Variants in RBM26 observed in about 807,000 individuals in gnomAD.
RBM26 encodes RNA binding motif protein 26.
RBM26 carries 30 observed loss-of-function variants against 123.6 expected under a neutral mutation model. The ratio of observed to expected loss-of-function variants is 0.24; its 90% CI spans 0.18 to 0.33. RBM26 has a LOEUF of 0.33. RBM26 is among the 10% of genes least tolerant of loss of function. RBM26 has a pLI of 1.00. For missense variants in RBM26, 947 were observed against 1,203.6 expected (o/e 0.79, Z 3.15); for synonymous variants, 400 against 404.4 (o/e 0.99, Z 0.13).
chr13:79,379,371 CAAAAA>C (rs1160901778), intron 1 of RBM26, among the ~76,000 whole-genome samples: 6 of 79,442 alleles, frequency 7.6e-5, no homozygotes, highest in Admixed American at 1.7e-4. Context: ...CAGTCTCTAC[CAAAAA>C]AAAAAAAAAA....
chr13:79,342,196 A>G (rs1282490050), intron 17 of RBM26, among the ~76,000 whole-genome samples: 1 of 151,834 alleles, frequency 6.6e-6, no homozygotes, highest in East Asian at 1.9e-4. Context: ...CAGACACACC[A>G]AGTATAAACA....
intron 1 of RBM26, among the ~76,000 whole-genome samples, chr13:79,379,811 T>C (rs1023793800): frequency 5.3e-5 from 8 of 151,288 alleles, no homozygotes; most frequent in African/African-American, 1.9e-4. Flanking sequence ...GAGACTAACA[T>C]TATAAGAGAA....
At position 79,358,162 on chromosome 13, in the gene RBM26, C is replaced by T. The variant is rs151068592; in HGVS notation, c.1689+112G>A. 4.5e-4 allele frequency: 420 copies of T among 938,210 alleles called. 3 individuals carry two copies. In the East Asian group the frequency reaches 0.013, roughly 28 times the overall value. The allele number at this position is 938,210 out of a possible 1,614,324, so 58.1% of individuals were successfully genotyped here. On this transcript the variant is annotated intron_variant, in intron 11 of 21. Coordinates refer to ENST00000438737, the MANE Select transcript of RBM26 (RefSeq NM_001366735.2). ...CCTCCCAAAGTGCTGGGATTACAGGCGTGAACCACCATGCCCAGCCTTAAA... is the reference window on the plus strand; with the variant it reads ...CCTCCCAAAGTGCTGGGATTACAGGTGTGAACCACCATGCCCAGCCTTAAA...
At chr13:79,358,230 C>A (rs200119717) in intron 11 of RBM26, 44 bp downstream of exon 11, 110 of 1,494,270 alleles carry the variant, frequency 7.4e-5, no homozygotes, top group Non-Finnish European at 9.9e-5. Flanking sequence ...ATTAAGTTCC[C>A]TAAACAGAAA....
chr13:79,341,474 C>T (rs7996652), intron 17 of RBM26, among the ~76,000 whole-genome samples: 76,492 of 151,466 alleles, frequency 0.51, 19,706 homozygotes, highest in Middle Eastern at 0.6. Flanking sequence ...GAGATTTACA[C>T]AGACTGATAT....
At chr13:79,366,983 C>T (rs2075323342) in intron 6 of RBM26, 111 bp from the exon 7 acceptor site, 5 of 899,886 alleles carry the variant, frequency 5.6e-6, no homozygotes, top group Non-Finnish European at 8.0e-6. Context: ...TAATATTGGA[C>T]AAAAGTATAA....
chr13:79,379,049 A>T, intron 1 of RBM26, 142 bp from the exon 2 acceptor site: 1 of 610,830 alleles, frequency 1.6e-6, no homozygotes. Context: ...ACCTTGAAGA[A>T]ATTTAAGTTC....
chr13:79,360,809 T>C (rs899103274), intron 9 of RBM26, among the ~76,000 whole-genome samples: 1 of 152,182 alleles, frequency 6.6e-6, no homozygotes. Context: ...GTAATGAGCA[T>C]AGTACATTTA....
At chr13:79,365,910 G>C in intron 8 of RBM26, 145 bp downstream of exon 8, 2 of 954,344 alleles carry the variant, frequency 2.1e-6, no homozygotes, top group Non-Finnish European at 3.1e-6. Context: ...ATTCAAAACT[G>C]AGGGCTTATT....
At chr13:79,391,550 T>C (rs2077990880) in intron 1 of RBM26, among the ~76,000 whole-genome samples, 1 of 152,030 alleles carries the variant, frequency 6.6e-6, no homozygotes, top group Admixed American at 6.6e-5. Context: ...CAGCTTCCCC[T>C]GTAGCTGGGA....
intron 1 of RBM26, 71 bp downstream of exon 1, chr13:79,405,633 A>G (rs945458482): frequency 8.8e-7 from 1 of 1,132,140 alleles, no homozygotes; most frequent in Non-Finnish European, 1.3e-6. Flanking sequence ...ACTTGGGGAA[A>G]CTGCACAGAT....
chr13:79,354,690 C>A, intron 12 of RBM26, 120 bp from the exon 13 acceptor site: 1 of 795,660 alleles, frequency 1.3e-6, no homozygotes, highest in Non-Finnish European at 1.8e-6. Context: ...AGCTTATAGT[C>A]AAAACCTAAC....
intron 20 of RBM26, among the ~76,000 whole-genome samples, chr13:79,331,735 C>A (rs1594006248): frequency 1.3e-5 from 2 of 152,184 alleles, no homozygotes; most frequent in East Asian, 3.9e-4. Context: ...CTATTCTGAA[C>A]AGGATCTTGG....
chr13:79,346,487 C>T (rs2072352312), intron 14 of RBM26, among the ~76,000 whole-genome samples: 1 of 152,066 alleles, frequency 6.6e-6, no homozygotes, highest in East Asian at 1.9e-4. Flanking sequence ...TCAAGTGATC[C>T]TCAGCCTCCC....
Position 79,344,746 on chromosome 13 carries a change from C to T in RBM26, c.2107G>A (p.Ala703Thr), listed in dbSNP as rs769309322. 1 of 1,613,190 alleles carries T rather than the reference C, an allele frequency of 6.2e-7. No individual in the cohort carries two copies. The highest frequency in any genetic ancestry group is 8.5e-7 in the Non-Finnish European group (1 of 1,179,404). Reference protein sequence around the residue: ...GLTKTVYNPAALKAAQKTLLV... With the variant: ...GLTKTVYNPATLKAAQKTLLV... ...AAGGTTTTCTGTGCAGCCTTCAAAGCAGCTGGATTATACACTGTTTTTGTT... is the reference window on the plus strand; with the variant it reads ...AAGGTTTTCTGTGCAGCCTTCAAAGTAGCTGGATTATACACTGTTTTTGTT... The change falls in exon 15 of 22, where the codon GCT becomes ACT. Residue 703 changes from alanine to threonine, a missense_variant. Around this residue, in one of 5 missense-constraint regions of RBM26, gnomAD observed 493 missense variants for 563.1 expected, o/e 0.88. Transcript: ENST00000438737.
intron 9 of RBM26, among the ~76,000 whole-genome samples, chr13:79,362,517 A>T (rs953281404): frequency 2.6e-5 from 4 of 152,118 alleles, no homozygotes; most frequent in Non-Finnish European, 5.9e-5. Flanking sequence ...GGCTGTATCT[A>T]TTCTCTTCCT....
chr13:79,324,063 C>T lies in RBM26; in HGVS notation c.2821-1601G>A, dbSNP rs1040070467. ...TTAAACAATTCCTTCTGTAACCCAC[C>T]CATTTCACTTTTTACAAAGATTCAA... is the stretch of plus-strand genomic sequence containing the variant. On this transcript the variant is annotated intron_variant, in intron 20 of 21. Coordinates refer to ENST00000438737, the MANE Select transcript of RBM26 (RefSeq NM_001366735.2). Among the ~76,000 whole-genome samples the T allele has an allele frequency of 2.0e-5, 3 of 151,674 alleles. No individual in the cohort carries two copies. In the South Asian group the frequency reaches 6.2e-4, roughly 31 times the overall value.
At chr13:79,380,822 TTA>T (rs1225389071) in intron 1 of RBM26, among the ~76,000 whole-genome samples, 1 of 152,106 alleles carries the variant, frequency 6.6e-6, no homozygotes, top group African/African-American at 2.4e-5. Flanking sequence ...TACTTTCTAC[TTA>T]TATGAGACCA....
At chr13:79,401,245 C>T (rs9545102) in intron 1 of RBM26, among the ~76,000 whole-genome samples, 150,344 of 152,342 alleles carry the variant, frequency 0.99, 74,228 homozygotes, top group East Asian at 1. Context: ...CTACAAAAAC[C>T]ACAAAGATGT....
Sources: gnomAD v4.1 joint callset for allele counts (sites outside exome capture counted in the v4.1 genomes callset) on GRCh38, gnomAD v4.1.1 for gene constraint, gnomAD v4.1.1 regional missense constraint, MANE v1.5 for transcripts, NCBI Gene and HGNC (gene_info 2026-07-23, HGNC 2026-07-21) for gene names.